LRMDA: variants seen among roughly 807,000 people sequenced by gnomAD.
LRMDA encodes leucine rich melanocyte differentiation associated.
A neutral mutation model predicts 29.8 loss-of-function variants in LRMDA; 18 were observed. That is an observed-to-expected ratio of 0.60 (90% CI 0.42 to 0.90). The LOEUF (loss-of-function observed/expected upper bound fraction) is 0.90. Ranked by LOEUF, LRMDA falls within the 40% of genes least tolerant of loss-of-function variation. The probability of loss-of-function intolerance (pLI) is 0.00; values close to 1 mark genes in which losing one functional copy is unlikely to be tolerated. For synonymous variants in LRMDA, 125 were observed against 109.4 expected (o/e 1.14, Z -0.89); for missense variants, 273 against 273.9 (o/e 1.00, Z 0.02).
intron 6 of LRMDA, among the ~76,000 whole-genome samples, chr10:76,479,470 G>T (rs562502473): frequency 2.4e-4 from 36 of 151,860 alleles, no homozygotes; most frequent in African/African-American, 8.2e-4. Flanking sequence ...TTTTCATTTT[G>T]GGGGGTCCTA....
intron 6 of LRMDA, among the ~76,000 whole-genome samples, chr10:76,441,421 G>C (rs890006703): frequency 2.6e-5 from 4 of 152,124 alleles, no homozygotes; most frequent in African/African-American, 9.7e-5. Context: ...CCACGGTTAT[G>C]TCATCTGTAA....
intron 2 of LRMDA, among the ~76,000 whole-genome samples, chr10:75,561,980 T>C (rs1190435811): frequency 2.0e-5 from 3 of 152,058 alleles, no homozygotes; most frequent in African/African-American, 7.3e-5. Context: ...ATAGGTGTGG[T>C]GTGGTGCTGA....
In LRMDA at chr10:75,689,700, C is replaced by T. The variant is rs117287227; in HGVS notation, c.131+251206C>T. On this transcript the variant is annotated intron_variant, in intron 2 of 6. Coordinates refer to ENST00000611255, the MANE Select transcript of LRMDA (RefSeq NM_001305581.2). ...GCTGGGGGCAGGGGCTTTGCTGGGG[C>T]CCTTTCTGAAATGAGTCCATTCATT... Among the ~76,000 whole-genome samples, 306 of 152,270 alleles carry T rather than the reference C, an allele frequency of 2.0e-3. 3 individuals carry two copies. The East Asian group carries it at 0.055, about 27-fold the overall frequency.
intron 2 of LRMDA, among the ~76,000 whole-genome samples, chr10:75,468,737 G>A (rs1165968438): frequency 1.3e-5 from 2 of 152,124 alleles, no homozygotes; most frequent in Non-Finnish European, 2.9e-5. Context: ...AGAATGCCAA[G>A]CCCTGCTGGG....
intron 6 of LRMDA, among the ~76,000 whole-genome samples, chr10:76,353,922 T>A (rs563165249): frequency 7.7e-4 from 118 of 152,288 alleles, no homozygotes; most frequent in Non-Finnish European, 1.4e-3. Flanking sequence ...TTAAAATTAG[T>A]CTGTGGTCTG....
At chr10:75,449,242 C>A (rs923568200) in intron 2 of LRMDA, among the ~76,000 whole-genome samples, 1 of 151,470 alleles carries the variant, frequency 6.6e-6, no homozygotes, top group East Asian at 1.9e-4. Flanking sequence ...AGAACACTTA[C>A]ATATGTTATC....
chr10:75,627,556 A>G (rs975723543), intron 2 of LRMDA, among the ~76,000 whole-genome samples: 5 of 152,210 alleles, frequency 3.3e-5, no homozygotes, highest in Admixed American at 1.3e-4. Context: ...AACACAGTCC[A>G]TACAGACTCC....
chr10:75,871,028 T>C (rs1589235548), intron 2 of LRMDA, among the ~76,000 whole-genome samples: 1 of 152,346 alleles, frequency 6.6e-6, no homozygotes, highest in Non-Finnish European at 1.5e-5. Flanking sequence ...GAGGATATTT[T>C]CAGCATCCAT....
chr10:75,853,675 G>T (rs768682983), intron 2 of LRMDA, among the ~76,000 whole-genome samples: 1 of 152,164 alleles, frequency 6.6e-6, no homozygotes. Flanking sequence ...ATTGTTCCCT[G>T]AGATATTGAA....
intron 2 of LRMDA, among the ~76,000 whole-genome samples, chr10:75,472,019 C>T (rs1320892270): frequency 6.6e-6 from 1 of 152,160 alleles, no homozygotes; most frequent in Non-Finnish European, 1.5e-5. Flanking sequence ...GAGCCAAAAT[C>T]ATCTGCCAGG....
chr10:75,819,233 G>A (rs11001507), intron 2 of LRMDA, among the ~76,000 whole-genome samples: 6,330 of 152,256 alleles, frequency 0.042, 406 homozygotes, highest in East Asian at 0.32. Context: ...AGCAAGGTGG[G>A]AAAGTGGCAT....
At chr10:75,907,332 A>G (rs913932716) in intron 2 of LRMDA, among the ~76,000 whole-genome samples, 10 of 152,158 alleles carry the variant, frequency 6.6e-5, no homozygotes, top group Non-Finnish European at 1.5e-4. Flanking sequence ...GTTTCTGTGT[A>G]ATTTGATATT....
intron 2 of LRMDA, among the ~76,000 whole-genome samples, chr10:75,540,478 T>C (rs1272085262): frequency 6.6e-6 from 1 of 152,216 alleles, no homozygotes; most frequent in Non-Finnish European, 1.5e-5. Flanking sequence ...ATCACCATAC[T>C]GTCTTCCCCT....
intron 2 of LRMDA, among the ~76,000 whole-genome samples, chr10:75,537,099 C>G (rs190345350): frequency 6.6e-6 from 1 of 152,312 alleles, no homozygotes; most frequent in Admixed American, 6.5e-5. Flanking sequence ...TATGCCCAAA[C>G]TAGCTAAGAG....
At chr10:75,526,943 A>G (rs1051968792) in intron 2 of LRMDA, among the ~76,000 whole-genome samples, 10 of 152,168 alleles carry the variant, frequency 6.6e-5, no homozygotes, top group African/African-American at 2.4e-4. Flanking sequence ...TAAAGCAAAC[A>G]GTGTTGTGCA....
intron 6 of LRMDA, among the ~76,000 whole-genome samples, chr10:76,410,545 G>A (rs1209897841): frequency 6.6e-6 from 1 of 151,968 alleles, no homozygotes; most frequent in Admixed American, 6.5e-5. Flanking sequence ...CTAGGCTTAA[G>A]CAATCCTCCT....
At chr10:75,691,918 A>G (rs1025696761) in intron 2 of LRMDA, among the ~76,000 whole-genome samples, 1 of 152,090 alleles carries the variant, frequency 6.6e-6, no homozygotes, top group African/African-American at 2.4e-5. Context: ...CACATTCGAA[A>G]TATGGCCAGG....
intron 2 of LRMDA, among the ~76,000 whole-genome samples, chr10:75,802,326 C>A (rs1220973174): frequency 8.9e-6 from 1 of 112,332 alleles, no homozygotes; most frequent in East Asian, 2.8e-4. Flanking sequence ...TCTAAACACA[C>A]ACACACGCGC....
chr10:76,153,945 T>C (rs967495126), intron 5 of LRMDA, among the ~76,000 whole-genome samples: 2 of 152,198 alleles, frequency 1.3e-5, no homozygotes, highest in Non-Finnish European at 2.9e-5. Flanking sequence ...ATATGGACTG[T>C]TGTGTTTAGA....
Sources: gnomAD v4.1 joint callset for allele counts (sites outside exome capture counted in the v4.1 genomes callset) on GRCh38, gnomAD v4.1.1 for gene constraint, MANE v1.5 for transcripts, NCBI Gene and HGNC (gene_info 2026-07-23, HGNC 2026-07-21) for gene names.